RSU1: variants seen among roughly 807,000 people sequenced by gnomAD.
RSU1 encodes rsu-1.
A neutral mutation model predicts 31.1 loss-of-function variants in RSU1; 26 were observed. That is an observed-to-expected ratio of 0.84 (90% CI 0.61 to 1.16). The LOEUF (loss-of-function observed/expected upper bound fraction) is 1.16. Ranked by LOEUF, RSU1 falls within the 50% of genes most tolerant of loss-of-function variation. The pLI, the probability that RSU1 is intolerant of heterozygous loss-of-function variation, is 0.00. For synonymous variants in RSU1, 164 were observed against 136.3 expected (o/e 1.20, Z -1.41); for missense variants, 320 against 339.1 (o/e 0.94, Z 0.44).
chr10:16,733,575 T>C (rs934332630), intron 7 of RSU1, among the ~76,000 whole-genome samples: 15 of 152,168 alleles, frequency 9.9e-5, no homozygotes, highest in African/African-American at 3.6e-4. Flanking sequence ...ATAGTTCAAG[T>C]AGTGATCAGC....
rs374156595 is a variant in RSU1 at position 16,782,097 on chromosome 10, GA to G, written c.110-14del. 0.011 allele frequency: 12,950 copies of G among 1,161,756 alleles called. No homozygotes were observed. The highest frequency in any genetic ancestry group is 0.017 in the South Asian group (998 of 57,488). The allele number at this position is 1,161,756 out of a possible 1,614,324, so 72.0% of individuals were successfully genotyped here. A position where few individuals can be genotyped will look rare whatever the true frequency, so the allele number is the denominator to read the frequency against. On this transcript the variant is annotated splice_polypyrimidine_tract_variant and intron_variant, in intron 2 of 8. Coordinates refer to ENST00000345264, the MANE Select transcript of RSU1 (RefSeq NM_012425.4). ...TGGGATAAGGTAACTAAAAAGAAAAGAAAAAAAAAAAGGTCAGTCAGTAAAT... is the reference window on the plus strand; with the variant it reads ...TGGGATAAGGTAACTAAAAAGAAAAGAAAAAAAAAAGGTCAGTCAGTAAAT...
At chr10:16,701,575 C>T (rs780828286) in intron 7 of RSU1, among the ~76,000 whole-genome samples, 5 of 152,032 alleles carry the variant, frequency 3.3e-5, no homozygotes, top group South Asian at 2.1e-4. Context: ...CTAAAATAAA[C>T]GGCTACTCTT....
intron 8 of RSU1, among the ~76,000 whole-genome samples, chr10:16,681,591 T>C (rs1248624343): frequency 6.6e-6 from 1 of 152,188 alleles, no homozygotes; most frequent in Non-Finnish European, 1.5e-5. Context: ...GTCAATAAAA[T>C]ATGTTTCCTA....
At chr10:16,728,162 T>A (rs1836434975) in intron 7 of RSU1, among the ~76,000 whole-genome samples, 1 of 152,166 alleles carries the variant, frequency 6.6e-6, no homozygotes, top group South Asian at 2.1e-4. Flanking sequence ...GTTGATTACT[T>A]GGGTATAAAA....
intron 8 of RSU1, among the ~76,000 whole-genome samples, chr10:16,600,253 G>A (rs754748470): frequency 2.0e-5 from 3 of 152,156 alleles, no homozygotes; most frequent in Non-Finnish European, 4.4e-5. Flanking sequence ...AAATGCCAAC[G>A]TGGGAGTGGG....
At chr10:16,748,232 A>G (rs11254169) in intron 7 of RSU1, 27,608 of 152,158 alleles carry the variant, frequency 0.18, 3,473 homozygotes, top group African/African-American at 0.36. Context: ...GTGCCAATAA[A>G]GCTGCATTCC....
chr10:16,592,480 CA>C lies in RSU1; in HGVS notation c.*913del, dbSNP rs1588663136. 1 of 152,270 alleles carries C rather than the reference CA, an allele frequency of 6.6e-6. No homozygotes were observed. Among genetic ancestry groups the C allele is most frequent in the Admixed American group, 6.5e-5 (1 of 15,292 alleles). 9.4% of individuals were successfully genotyped at this position (152,270 alleles called of 1,614,324 possible). On this transcript the variant is annotated 3_prime_UTR_variant, in exon 9 of 9. Coordinates refer to ENST00000345264, the MANE Select transcript of RSU1 (RefSeq NM_012425.4). Reference sequence around the variant, plus strand: ...CCCTGGGTGTGGTGTAGCGCGTGCACATTTACACAACTTCCTTGGCATCGAA... The same window carrying C: ...CCCTGGGTGTGGTGTAGCGCGTGCACTTTACACAACTTCCTTGGCATCGAA...
At chr10:16,662,626 AT>A (rs1252595713) in intron 8 of RSU1, among the ~76,000 whole-genome samples, 2 of 152,214 alleles carry the variant, frequency 1.3e-5, no homozygotes, top group African/African-American at 4.8e-5. Flanking sequence ...CTTCAAACAC[AT>A]TTTTAAAAAC....
At chr10:16,756,413 T>A (rs1379692834) in intron 4 of RSU1, among the ~76,000 whole-genome samples, 1 of 152,142 alleles carries the variant, frequency 6.6e-6, no homozygotes, top group African/African-American at 2.4e-5. Flanking sequence ...CAATGAGACA[T>A]GGATATTTTT....
intron 7 of RSU1, among the ~76,000 whole-genome samples, chr10:16,710,473 G>T (rs994310995): frequency 2.0e-5 from 3 of 152,062 alleles, no homozygotes; most frequent in African/African-American, 7.2e-5. Context: ...TTTTGCTGTT[G>T]TTGTTGTATC....
chr10:16,814,421 C>T (rs1170247220), intron 2 of RSU1, among the ~76,000 whole-genome samples: 1 of 138,332 alleles, frequency 7.2e-6, no homozygotes, highest in African/African-American at 2.8e-5. Context: ...GCATTCCAGC[C>T]TGGGTGACAG....
chr10:16,808,976 C>A (rs1161231938), intron 2 of RSU1, among the ~76,000 whole-genome samples: 7 of 152,110 alleles, frequency 4.6e-5, no homozygotes, highest in African/African-American at 1.7e-4. Flanking sequence ...AGCAGCCAGC[C>A]CTGCTGACAC....
intron 8 of RSU1, among the ~76,000 whole-genome samples, chr10:16,597,917 C>T (rs1441236892): frequency 6.6e-6 from 1 of 152,236 alleles, no homozygotes; most frequent in African/African-American, 2.4e-5. Context: ...CAGATGAGAG[C>T]TGGCGTTTTA....
intron 7 of RSU1, among the ~76,000 whole-genome samples, chr10:16,724,582 G>C (rs1380902723): frequency 2.0e-5 from 3 of 152,208 alleles, no homozygotes; most frequent in African/African-American, 4.8e-5. Flanking sequence ...GGTATCCCCA[G>C]AGAAACCCTG....
chr10:16,625,679 C>T (rs1433257763), intron 8 of RSU1, among the ~76,000 whole-genome samples: 1 of 152,194 alleles, frequency 6.6e-6, no homozygotes, highest in South Asian at 2.1e-4. Flanking sequence ...ATTATTTGCT[C>T]ACCTTACTTA....
intron 4 of RSU1, 121 bp from the exon 5 acceptor site, chr10:16,755,110 T>G (rs568385685): frequency 1.8e-6 from 1 of 540,848 alleles, no homozygotes; most frequent in South Asian, 3.4e-5. Context: ...TAGAGTCACT[T>G]TATACTTTAT....
chr10:16,615,594 C>G (rs1833962496), intron 8 of RSU1, among the ~76,000 whole-genome samples: 1 of 152,216 alleles, frequency 6.6e-6, no homozygotes, highest in African/African-American at 2.4e-5. Context: ...CTTCTCAATG[C>G]CACAGGGCAC....
At chr10:16,790,869 T>C (rs913533313) in intron 2 of RSU1, among the ~76,000 whole-genome samples, 2 of 152,194 alleles carry the variant, frequency 1.3e-5, no homozygotes, top group African/African-American at 4.8e-5. Context: ...CCTTCCACCA[T>C]GATTATAAGT....
intron 4 of RSU1, among the ~76,000 whole-genome samples, chr10:16,756,615 G>T (rs778442746): frequency 2.6e-5 from 4 of 152,184 alleles, no homozygotes; most frequent in Admixed American, 2.6e-4. Context: ...TAAGAATGCA[G>T]AATAGAATAC....
Sources: gnomAD v4.1 joint callset for allele counts (sites outside exome capture counted in the v4.1 genomes callset) on GRCh38, gnomAD v4.1.1 for gene constraint, MANE v1.5 for transcripts, NCBI Gene and HGNC (gene_info 2026-07-23, HGNC 2026-07-21) for gene names.